Variants in ART4 observed in about 807,000 individuals in gnomAD.
ART4 encodes the protein ADP-ribosyltransferase 4 (inactive) (Dombrock blood group).
In ART4, 14 loss-of-function variants were observed where a neutral mutation model predicts 24.2. That is an observed-to-expected ratio of 0.58 (90% CI 0.38 to 0.90). ART4 has a LOEUF of 0.90. Ranked by LOEUF, ART4 falls within the 40% of genes least tolerant of loss-of-function variation. ART4 has a pLI of 0.00. For synonymous variants in ART4, 145 were observed against 139.9 expected (o/e 1.04, Z -0.26); for missense variants, 356 against 366.6 (o/e 0.97, Z 0.24).
At chr12:14,833,978 ACCATTAT>A (rs1317589925) in intron 2 of ART4, among the ~76,000 whole-genome samples, 2 of 152,168 alleles carry the variant, frequency 1.3e-5, no homozygotes, top group East Asian at 3.9e-4. Flanking sequence ...GTGCCATTAA[ACCATTAT>A]CCCACTTCCA....
intron 2 of ART4, among the ~76,000 whole-genome samples, chr12:14,836,985 A>G (rs1950435361): frequency 6.6e-6 from 1 of 152,130 alleles, no homozygotes; most frequent in Non-Finnish European, 1.5e-5. Context: ...CTTTGGGGCC[A>G]TTATGAAATA....
At chr12:14,837,666 A>G (rs28362802) in intron 2 of ART4, among the ~76,000 whole-genome samples, 17,411 of 152,158 alleles carry the variant, frequency 0.11, 1,258 homozygotes, top group Middle Eastern at 0.17. Flanking sequence ...TGTATGTGCC[A>G]TGATACCTGG....
At chr12:14,831,333 G>A (rs1950394739) in intron 2 of ART4, among the ~76,000 whole-genome samples, 1 of 147,404 alleles carries the variant, frequency 6.8e-6, no homozygotes, top group African/African-American at 2.5e-5. Context: ...ACAGCAGTGT[G>A]ATCTCTGCTC....
rs779802612 is a variant in ART4, at chr12:14,840,655, C to G, written c.643G>C (p.Glu215Gln). ...GQFLSTSLLK[E>Q]EAQEFGNQTL... ...TGGTTCCCAAACTCCTGTGCCTCTT[C>G]TTTCAGGAGGGATGTGGAGAGGAAT... Residue 215 changes from glutamate (E) to glutamine (Q), a missense_variant, in exon 2 of 3, where the codon GAA (glutamate) becomes CAA (glutamine). Coordinates refer to ENST00000228936, the MANE Select transcript of ART4 (RefSeq NM_021071.4). 1.9e-6 allele frequency: 3 copies of G among 1,614,000 alleles called. No homozygotes were observed. Among genetic ancestry groups the G allele is most frequent in the Non-Finnish European group, 8.5e-7 (1 of 1,180,024 alleles).
intron 2 of ART4, among the ~76,000 whole-genome samples, chr12:14,833,262 A>G (rs900210204): frequency 6.6e-6 from 1 of 152,176 alleles, no homozygotes; most frequent in South Asian, 2.1e-4. Flanking sequence ...GTGTATTTGC[A>G]TATTTATGTG....
intron 2 of ART4, 114 bp downstream of exon 2, chr12:14,840,331 A>G: frequency 1.2e-6 from 1 of 855,368 alleles, no homozygotes; most frequent in South Asian, 1.9e-5. Flanking sequence ...ATCATTACCG[A>G]AGGCTAGTTT....
chr12:14,830,524 T>C (rs1950386743), intron 2 of ART4, among the ~76,000 whole-genome samples: 1 of 116,034 alleles, frequency 8.6e-6, no homozygotes, highest in South Asian at 3.1e-4. Flanking sequence ...TTTTTTGGAA[T>C]TTCTATATAG....
intron 2 of ART4, among the ~76,000 whole-genome samples, chr12:14,839,510 A>G (rs1950451999): frequency 2.0e-5 from 3 of 152,192 alleles, no homozygotes; most frequent in Admixed American, 6.5e-5. Flanking sequence ...ATGCTATACC[A>G]TAGCATGGTG....
chr12:14,826,688 C>T lies in ART4; in HGVS notation c.*2683G>A, dbSNP rs1950361988. The T allele has an allele frequency of 6.6e-6, 1 of 152,280 alleles. No individual in the cohort carries two copies. Among genetic ancestry groups the T allele is most frequent in the Non-Finnish European group, 1.5e-5 (1 of 68,056 alleles). The allele number at this position is 152,280 out of a possible 1,614,324, so 9.4% of individuals were successfully genotyped here. On this transcript the variant is annotated 3_prime_UTR_variant, in exon 3 of 3. Transcript: ENST00000228936. ...AGCCCACATTACCCCTCACTCTCTG[C>T]CAGACCTATCTGCTCCCTGACCTTA... is the stretch of plus-strand genomic sequence containing the variant.
intron 2 of ART4, among the ~76,000 whole-genome samples, chr12:14,840,111 C>G (rs750621138): frequency 6.6e-6 from 1 of 152,138 alleles, no homozygotes; most frequent in Non-Finnish European, 1.5e-5. Flanking sequence ...AACTCCTTAT[C>G]CATGTAATGA....
Position 14,826,696 on chromosome 12 carries a change from A to C in ART4, c.*2675T>G, listed in dbSNP as rs187752608. ...TTACCCCTCACTCTCTGCCAGACCT[A>C]TCTGCTCCCTGACCTTATGCTGTAC... On this transcript the variant is annotated 3_prime_UTR_variant, in exon 3 of 3. Transcript: ENST00000228936. 2 of 152,296 alleles carry C rather than the reference A, an allele frequency of 1.3e-5. No homozygotes were observed. Among genetic ancestry groups the C allele is most frequent in the Admixed American group, 1.3e-4 (2 of 15,282 alleles). The allele number at this position is 152,296 out of a possible 1,614,324, so 9.4% of individuals were successfully genotyped here.
chr12:14,837,764 C>T (rs1468780560), intron 2 of ART4, among the ~76,000 whole-genome samples: 13 of 152,192 alleles, frequency 8.5e-5, no homozygotes, highest in Admixed American at 3.3e-4. Context: ...ATCCACCCAC[C>T]TCGGCCTCCC....
At chr12:14,840,113 A>C (rs1014833844) in intron 2 of ART4, among the ~76,000 whole-genome samples, 1 of 152,204 alleles carries the variant, frequency 6.6e-6, no homozygotes, top group African/African-American at 2.4e-5. Flanking sequence ...CTCCTTATCC[A>C]TGTAATGACA....
intron 2 of ART4, among the ~76,000 whole-genome samples, chr12:14,838,960 T>A (rs1476051353): frequency 6.6e-6 from 1 of 150,852 alleles, no homozygotes; most frequent in Non-Finnish European, 1.5e-5. Context: ...TACCCCTCCA[T>A]GAAATGGCTA....
chr12:14,842,299 G>A (rs1245080627), intron 1 of ART4, among the ~76,000 whole-genome samples: 1 of 152,182 alleles, frequency 6.6e-6, no homozygotes, highest in Admixed American at 6.5e-5. Flanking sequence ...AAGGATGTTG[G>A]AACTGGAACT....
intron 2 of ART4, 99 bp from the exon 3 acceptor site, chr12:14,829,561 C>A: frequency 1.2e-6 from 1 of 803,314 alleles, no homozygotes; most frequent in East Asian, 3.0e-5. Flanking sequence ...TAGAAAATTC[C>A]TAATAAAAAC....
At chr12:14,835,368 CT>C (rs1303420449) in intron 2 of ART4, among the ~76,000 whole-genome samples, 1 of 152,104 alleles carries the variant, frequency 6.6e-6, no homozygotes, top group Non-Finnish European at 1.5e-5. Flanking sequence ...ATCTTACTTC[CT>C]CCCTGTTAAG....
At chr12:14,841,482 C>T (rs1190864884) in intron 1 of ART4, among the ~76,000 whole-genome samples, 1 of 152,182 alleles carries the variant, frequency 6.6e-6, no homozygotes, top group African/African-American at 2.4e-5. Context: ...AGTTTAATTA[C>T]ACTTTCTGTT....
chr12:14,840,136 A>G (rs12226970), intron 2 of ART4, among the ~76,000 whole-genome samples: 51,682 of 152,032 alleles, frequency 0.34, 9,323 homozygotes, highest in Middle Eastern at 0.4. Flanking sequence ...GAGAAAAGCA[A>G]TGAGTTTGAG....
Sources: allele counts gnomAD v4.1 joint callset (sites outside exome capture counted in the v4.1 genomes callset), GRCh38; gene constraint gnomAD v4.1.1; transcripts MANE v1.5; gene names NCBI Gene and HGNC (gene_info 2026-07-23, HGNC 2026-07-21).